PLCH2: variants seen among roughly 807,000 people sequenced by gnomAD.
PLCH2 encodes phospholipase C eta 2.
In PLCH2, 98 loss-of-function variants were observed where a neutral mutation model predicts 134.7. That is an observed-to-expected ratio of 0.73 (90% CI 0.62 to 0.86). The LOEUF (loss-of-function observed/expected upper bound fraction) is 0.86. Among genes scored for constraint, PLCH2 ranks in the 40% least tolerant of loss-of-function variants. The probability of loss-of-function intolerance (pLI) is 0.00; values close to 1 mark genes in which losing one functional copy is unlikely to be tolerated. For missense variants in PLCH2, 1,994 were observed against 1,986.6 expected (o/e 1.00, Z -0.07); for synonymous variants, 974 against 827.5 (o/e 1.18, Z -3.04).
chr1:2,425,330 T>TAC (rs1638739752), upstream of PLCH2, among the ~76,000 whole-genome samples: 1 of 151,740 alleles, frequency 6.6e-6, no homozygotes, highest in Non-Finnish European at 1.5e-5. Flanking sequence ...TACACACACA[T>TAC]ACACCCCCCC....
At chr1:2,496,284 C>CCCG (rs1185983196) in intron 13 of PLCH2, among the ~76,000 whole-genome samples, 1 of 152,124 alleles carries the variant, frequency 6.6e-6, no homozygotes, top group East Asian at 1.9e-4. Flanking sequence ...GATTCTAGGC[C>CCCG]AGACCCAGGC....
chr1:2,420,685 G>C, the PLCH2 span, among the ~76,000 whole-genome samples: 1 of 152,194 alleles, frequency 6.6e-6, no homozygotes, highest in Non-Finnish European at 1.5e-5. Flanking sequence ...CTGACCCAGA[G>C]ACCCCCATTT....
At chr1:2,486,724 C>CAA (rs1270380356) in intron 5 of PLCH2, among the ~76,000 whole-genome samples, 183 bp from the exon 6 acceptor site, 1 of 152,236 alleles carries the variant, frequency 6.6e-6, no homozygotes, top group Non-Finnish European at 1.5e-5. Context: ...ATAGTCAGAG[C>CAA]AAGCCATCCA....
chr1:2,494,659 G>A (rs1354766699), intron 11 of PLCH2, among the ~76,000 whole-genome samples, 197 bp from the exon 12 acceptor site: 1 of 152,130 alleles, frequency 6.6e-6, no homozygotes, highest in Non-Finnish European at 1.5e-5. Context: ...TCTGCCCCAG[G>A]GTGGACTGGG....
chr1:2,466,561 C>T (rs1641065737), upstream of PLCH2, among the ~76,000 whole-genome samples: 1 of 152,218 alleles, frequency 6.6e-6, no homozygotes, highest in African/African-American at 2.4e-5. Flanking sequence ...CAGAGGCGGC[C>T]CCACATCCTC....
chr1:2,431,388 C>T (rs2494641), intron 2 of PLCH2, among the ~76,000 whole-genome samples: 43,960 of 152,050 alleles, frequency 0.29, 6,481 homozygotes, highest in South Asian at 0.36. Context: ...GAGGTGGCTC[C>T]GGCTTGTCAA....
At chr1:2,433,638 G>A (rs192887896) in intron 2 of PLCH2, among the ~76,000 whole-genome samples, 17 of 152,332 alleles carry the variant, frequency 1.1e-4, no homozygotes, top group Admixed American at 9.8e-4. Flanking sequence ...ACTCTACACC[G>A]GCTCTTATGT....
At chr1:2,419,546 C>G in the PLCH2 span, among the ~76,000 whole-genome samples, 2 of 152,236 alleles carry the variant, frequency 1.3e-5, no homozygotes, top group East Asian at 3.9e-4. Flanking sequence ...GCAGGGTCTC[C>G]CCTGGGGATG....
chr1:2,465,645 C>T (rs1353754385), upstream of PLCH2, among the ~76,000 whole-genome samples: 1 of 152,238 alleles, frequency 6.6e-6, no homozygotes, highest in East Asian at 1.9e-4. Context: ...TGCTTAAATG[C>T]CCAGAAAAGA....
Position 2,503,924 on chromosome 1 carries a change from A to ACCCCCC in PLCH2, c.2965_2966insCCCCCC (p.Thr988_Arg989insProPro). On this transcript the variant is annotated inframe_insertion, in exon 22 of 22. Transcript: ENST00000378486. ...CTCACTCCCCCACCTCCCCACAGAC[A>ACCCCCC]CCCGCCCCCTCTCCACGCAGCGGCC... 1.7e-6 allele frequency: 1 copy of ACCCCCC among 585,782 alleles called. No homozygotes were observed. Among genetic ancestry groups the ACCCCCC allele is most frequent in the Non-Finnish European group, 2.5e-6 (1 of 396,754 alleles). 36.3% of individuals were successfully genotyped at this position (585,782 alleles called of 1,614,324 possible). A position where few individuals can be genotyped will look rare whatever the true frequency, so the allele number is the denominator to read the frequency against.
intron 1 of PLCH2, among the ~76,000 whole-genome samples, chr1:2,430,107 C>A (rs1638996110): frequency 6.6e-6 from 1 of 152,208 alleles, no homozygotes; most frequent in African/African-American, 2.4e-5. Flanking sequence ...GGGCAGGGTC[C>A]TGTGGCTCTC....
In PLCH2 at chr1:2,495,538, G is replaced by A. The variant is rs759391849; in HGVS notation, c.1803G>A (p.Glu601=). 16 of 1,551,502 alleles carry A rather than the reference G, an allele frequency of 1.0e-5. No individual in the cohort carries two copies. In the South Asian group the frequency reaches 1.7e-4, roughly 16 times the overall value. Residue 601 remains glutamate, a synonymous_variant, in exon 13 of 22, where the codon GAG becomes GAA. Transcript: ENST00000378486. ...KKAASVEEGD[E]GQDSPGGQSR... ...CGGCCAGCGTGGAGGAGGGAGATGAGGGTCAGGACTCCCCGGGAGGCCAGA... is the reference window on the plus strand; with the variant it reads ...CGGCCAGCGTGGAGGAGGGAGATGAAGGTCAGGACTCCCCGGGAGGCCAGA...
At chr1:2,451,029 C>G (rs1640198950) in intron 2 of PLCH2, among the ~76,000 whole-genome samples, 1 of 152,024 alleles carries the variant, frequency 6.6e-6, no homozygotes, top group African/African-American at 2.4e-5. Flanking sequence ...GGACACAGCC[C>G]TGGCCCTGGC....
At position 2,467,541 on chromosome 1, in the gene PLCH2, C is replaced by A. The variant is rs939431879; in HGVS notation, c.-79C>A. The A allele has an allele frequency of 1.8e-5, 7 of 399,254 alleles. No homozygotes were observed. In the Admixed American group the frequency reaches 1.8e-4, roughly 10 times the overall value. 24.7% of individuals were successfully genotyped at this position (399,254 alleles called of 1,614,324 possible). A position where few individuals can be genotyped will look rare whatever the true frequency, so the allele number is the denominator to read the frequency against. On this transcript the variant is annotated 5_prime_UTR_variant, in exon 1 of 22. Transcript: ENST00000449969. The stretch of plus-strand genomic sequence containing the variant: ...CGGGGTGCCCCTGCTCGGGCTGGGG[C>A]TCAGGGGACGCCGGGGGCCAGCACA...
chr1:2,467,521 T>A, exon 1 of PLCH2: 1 of 397,596 alleles, frequency 2.5e-6, no homozygotes. Flanking sequence ...GCGCGCGGGG[T>A]GCCCCTGCTC....
In PLCH2 at chr1:2,505,248, C is replaced by T. The variant is rs1197096513; in HGVS notation, c.*35C>T. The T allele has an allele frequency of 4.7e-6, 7 of 1,491,902 alleles. No individual in the cohort carries two copies. Among genetic ancestry groups the T allele is most frequent in the South Asian group, 1.2e-5 (1 of 82,622 alleles). 92.4% of individuals were successfully genotyped at this position (1,491,902 alleles called of 1,614,324 possible). On this transcript the variant is annotated 3_prime_UTR_variant, in exon 22 of 22. Coordinates refer to ENST00000378486, the MANE Select transcript of PLCH2 (RefSeq NM_014638.4). ...GTGGGAACCTGGGCGGCTCTGGAGG[C>T]CCAGGGCAGGGGTGGGCGTGTTGTT...
At chr1:2,424,795 G>A (rs189053706), upstream of PLCH2, among the ~76,000 whole-genome samples, 894 of 152,262 alleles carry the variant, frequency 5.9e-3, 9 homozygotes, top group African/African-American at 0.02. Flanking sequence ...AGACCATCCT[G>A]GCTAACACAG....
In PLCH2 at chr1:2,498,114, A is replaced by C. The variant is rs1041606324; in HGVS notation, c.2225-409A>C. On this transcript the variant is annotated intron_variant, in intron 16 of 21. Coordinates refer to ENST00000378486, the MANE Select transcript of PLCH2 (RefSeq NM_014638.4). The surrounding 1 kb of genome is among the most constrained non-coding windows in gnomAD (Gnocchi z 5.4). Reference sequence around the variant, plus strand: ...CAGGGGCTGGGCGAGCAGGCCTCCCACTAGACCAGGCTACTCCTGCTGTGG... The same window carrying C: ...CAGGGGCTGGGCGAGCAGGCCTCCCCCTAGACCAGGCTACTCCTGCTGTGG... 3 of 247,476 alleles carry C rather than the reference A, an allele frequency of 1.2e-5. No individual in the cohort carries two copies. Among genetic ancestry groups the C allele is most frequent in the Admixed American group, 1.0e-4 (2 of 19,616 alleles). 15.3% of individuals were successfully genotyped at this position (247,476 alleles called of 1,614,324 possible).
At chr1:2,484,399 G>A (rs371147909) in intron 4 of PLCH2, 49 bp from the exon 5 acceptor site, 7 of 1,594,460 alleles carry the variant, frequency 4.4e-6, no homozygotes, top group East Asian at 2.2e-5. Context: ...CCCTGTGCAT[G>A]CAGGCCCTGG....
Sources: gnomAD v4.1 joint callset for allele counts (sites outside exome capture counted in the v4.1 genomes callset) on GRCh38, gnomAD v4.1.1 for gene constraint, Gnocchi (gnomAD v3.1) non-coding constraint, MANE v1.5 for transcripts, NCBI Gene and HGNC (gene_info 2026-07-23, HGNC 2026-07-21) for gene names.